Variants in MARK4 observed in about 807,000 individuals in gnomAD.
The protein encoded by MARK4 is microtubule affinity regulating kinase 4.
Under a neutral mutation model 81.5 loss-of-function variants are expected in MARK4, and 19 were observed. That is an observed-to-expected ratio of 0.23 (90% confidence interval 0.16 to 0.34). The LOEUF is 0.34. MARK4 is among the 10% of genes least tolerant of loss of function. MARK4 has a pLI of 1.00. For missense variants in MARK4, 772 were observed against 1,058.8 expected, an observed-to-expected ratio of 0.73 and a Z score of 3.76; for synonymous variants, 436 against 439.0, an observed-to-expected ratio of 0.99 and a Z score of 0.08.
At chr19:45,275,000 C>T (rs990122428) in intron 8 of MARK4, among the ~76,000 whole-genome samples, 1 of 152,170 alleles carries the variant, frequency 6.6e-6, no homozygotes, top group Non-Finnish European at 1.5e-5. Context: ...GTGGCTCATG[C>T]CTGTAATCCC....
rs1482410635 is a variant in MARK4 at position 45,304,226 on chromosome 19, C to G, written c.*1516C>G. The G allele has an allele frequency of 1.3e-5, 2 of 152,184 alleles. No individual in the cohort carries two copies. Among genetic ancestry groups the G allele is most frequent in the Non-Finnish European group, 2.9e-5 (2 of 68,036 alleles). 9.4% of individuals were successfully genotyped at this position (152,184 alleles called of 1,614,324 possible). A position where few individuals can be genotyped will look rare whatever the true frequency, so the allele number is the denominator to read the frequency against. ...AGATGACTTCAGCAGTTAGAAGTTT[C>G]TATCCCTCCAGCTTTCTGCAGCAGA... On this transcript the variant is annotated 3_prime_UTR_variant, in exon 17 of 17. Coordinates refer to ENST00000262891, the MANE Select transcript of MARK4 (RefSeq NM_001199867.2).
At chr19:45,266,466 C>A in intron 7 of MARK4, among the ~76,000 whole-genome samples, 185 bp downstream of exon 7, 1 of 152,012 alleles carries the variant, frequency 6.6e-6, no homozygotes, top group African/African-American at 2.4e-5. Context: ...AGAAACAAGG[C>A]CAGCAGATGG....
chr19:45,257,890 C>G (rs1014530654), intron 1 of MARK4, among the ~76,000 whole-genome samples: 12 of 150,628 alleles, frequency 8.0e-5, no homozygotes, highest in African/African-American at 2.4e-4. Flanking sequence ...GGGGTTTCAC[C>G]TTGTTAGCCA....
Position 45,287,547 on chromosome 19 carries a change from C to T in MARK4, c.1377C>T (p.Cys459=). The T allele has an allele frequency of 2.5e-6, 4 of 1,585,080 alleles. No individual in the cohort carries two copies. The highest frequency in any genetic ancestry group is 1.8e-5 in the Admixed American group (1 of 56,576). Reference sequence around the variant, plus strand: ...GGCTGCCAGGCCGGAAGGCGAGCTGCAGCACCGCGGGGAGTGGGAGTCGAG... The same window carrying T: ...GGCTGCCAGGCCGGAAGGCGAGCTGTAGCACCGCGGGGAGTGGGAGTCGAG... ...EERLPGRKAS[C]STAGSGSRGL... is the part of the protein sequence containing the mutation. The change falls in exon 13 of 17, where the codon TGC becomes TGT. Residue 459 remains cysteine (C), a synonymous_variant. Coordinates refer to ENST00000262891, the MANE Select transcript of MARK4 (RefSeq NM_001199867.2).
At chr19:45,270,811 C>T (rs1220017750) in intron 7 of MARK4, among the ~76,000 whole-genome samples, 5 of 152,160 alleles carry the variant, frequency 3.3e-5, no homozygotes, top group Admixed American at 3.3e-4. Flanking sequence ...GCTCTTGTTG[C>T]CCAGGCTGGA....
chr19:45,273,249 C>G (rs1269734957), intron 8 of MARK4, among the ~76,000 whole-genome samples: 1 of 152,166 alleles, frequency 6.6e-6, no homozygotes, highest in Admixed American at 6.6e-5. Flanking sequence ...AATCGCTGGC[C>G]TGTGTCCACA....
At chr19:45,287,765 C>A in intron 13 of MARK4, 101 bp downstream of exon 13, 2 of 1,307,842 alleles carry the variant, frequency 1.5e-6, no homozygotes, top group South Asian at 1.3e-5. Flanking sequence ...TCCTTCTTAC[C>A]AACTCCTTCT....
At chr19:45,280,508 G>A in intron 11 of MARK4, 25 bp downstream of exon 11, 1 of 1,614,050 alleles carries the variant, frequency 6.2e-7, no homozygotes, top group Non-Finnish European at 8.5e-7. Flanking sequence ...GGGGCCCTTG[G>A]GGACGCGTGA....
At chr19:45,300,821 C>T (rs1272844708) in intron 16 of MARK4, among the ~76,000 whole-genome samples, 1 of 152,076 alleles carries the variant, frequency 6.6e-6, no homozygotes, top group Non-Finnish European at 1.5e-5. Context: ...AGGAGAAGTA[C>T]TCTGGTTGGT....
chr19:45,278,724 C>A, intron 10 of MARK4, 109 bp downstream of exon 10: 1 of 833,552 alleles, frequency 1.2e-6, no homozygotes, highest in South Asian at 1.6e-5. Context: ...GTGCCTCAGC[C>A]TCCCAAGTAG....
Position 45,300,393 on chromosome 19 carries a change from ACTC to A in MARK4, c.1922+542_1922+544del, listed in dbSNP as rs145173647. Among the ~76,000 whole-genome samples the A allele has an allele frequency of 6.0e-3, 815 of 136,932 alleles. 13 individuals carry two copies. Among genetic ancestry groups the A allele is most frequent in the African/African-American group, 0.021 (774 of 36,580 alleles). 89.8% of individuals were successfully genotyped at this position (136,932 alleles called of 152,430 possible). A position where few individuals can be genotyped will look rare whatever the true frequency, so the allele number is the denominator to read the frequency against. On this transcript the variant is annotated intron_variant, in intron 16 of 16. Coordinates refer to ENST00000262891, the MANE Select transcript of MARK4 (RefSeq NM_001199867.2). ...AAAGCCTCATCCCATCCACAACTCA[ACTC>A]CTCTTCTGGTCAATGCCCCCACCTC...
chr19:45,302,949 T>G lies in MARK4; in HGVS notation c.*239T>G. ...CTGGAGCCTCCAGCCAGTCCTGTCC[T>G]CCCTCGCCCTACCAAGAGGGCACCT... On this transcript the variant is annotated 3_prime_UTR_variant, in exon 17 of 17. Coordinates refer to ENST00000262891, the MANE Select transcript of MARK4 (RefSeq NM_001199867.2). This position sits in a 1 kb window ranked among gnomAD's most constrained non-coding sequence, Gnocchi z 4.9. 1 of 619,206 alleles carries G rather than the reference T, an allele frequency of 1.6e-6. No individual in the cohort carries two copies. The highest frequency in any genetic ancestry group is 2.7e-6 in the Non-Finnish European group (1 of 368,454). 38.4% of individuals were successfully genotyped at this position (619,206 alleles called of 1,614,324 possible). A position where few individuals can be genotyped will look rare whatever the true frequency, so the allele number is the denominator to read the frequency against.
rs1396475980 is a variant in MARK4, at chr19:45,290,110, CA to C, written c.1494+2449del. Among the ~76,000 whole-genome samples the C allele has an allele frequency of 2.0e-5, 3 of 152,168 alleles. No homozygotes were observed. The East Asian group carries it at 5.8e-4, about 29-fold the overall frequency. Reference sequence around the variant, plus strand: ...AGAGGGAGACCTTGTCTCAAAGAAACAAACAAAAAAGTTTTTAAATACTAAT... The same window carrying C: ...AGAGGGAGACCTTGTCTCAAAGAAACAACAAAAAAGTTTTTAAATACTAAT... On this transcript the variant is annotated intron_variant, in intron 13 of 16. Coordinates refer to ENST00000262891, the MANE Select transcript of MARK4 (RefSeq NM_001199867.2).
At chr19:45,263,596 G>A (rs1970409198) in intron 4 of MARK4, among the ~76,000 whole-genome samples, 1 of 151,996 alleles carries the variant, frequency 6.6e-6, no homozygotes, top group Non-Finnish European at 1.5e-5. Flanking sequence ...ACAAAAATTA[G>A]CAGGGCATGG....
intron 7 of MARK4, 118 bp downstream of exon 7, chr19:45,266,399 T>G: frequency 1.1e-6 from 1 of 931,694 alleles, no homozygotes; most frequent in African/African-American, 1.6e-5. Flanking sequence ...CCTTTTCTCC[T>G]CCTGCTCTTC....
At chr19:45,257,556 G>A (rs1480331604) in intron 1 of MARK4, among the ~76,000 whole-genome samples, 2 of 151,034 alleles carry the variant, frequency 1.3e-5, no homozygotes, top group African/African-American at 4.9e-5. Flanking sequence ...GCTAATTTTT[G>A]TATTTTTAGT....
chr19:45,266,771 C>T lies in MARK4; in HGVS notation c.549+490C>T, dbSNP rs368633866. Reference sequence around the variant, plus strand: ...TTTTTGAGACAGAGTCTCACTCTGTCGCCCTGGCTGGAGTGAAGTGGCGCG... The same window carrying T: ...TTTTTGAGACAGAGTCTCACTCTGTTGCCCTGGCTGGAGTGAAGTGGCGCG... On this transcript the variant is annotated intron_variant, in intron 7 of 16. Transcript: ENST00000262891. Among the ~76,000 whole-genome samples, 27 of 141,066 alleles carry T rather than the reference C, an allele frequency of 1.9e-4. No homozygotes were observed. The South Asian group carries it at 5.6e-3, about 29-fold the overall frequency. The allele number at this position is 141,066 out of a possible 152,430, so 92.5% of individuals were successfully genotyped here.
At chr19:45,259,353 C>A (rs1022209137) in intron 2 of MARK4, among the ~76,000 whole-genome samples, 164 bp downstream of exon 2, 1 of 152,166 alleles carries the variant, frequency 6.6e-6, no homozygotes, top group Non-Finnish European at 1.5e-5. Context: ...TTCCCAGAAC[C>A]ACCCCCATGG....
chr19:45,280,418 T>A lies in MARK4; in HGVS notation c.1051T>A (p.Ser351Thr). ...CTACACACGGGAAGAAATCAAAGAG[T>A]CCTTGACCAGCCAGAAGTACAACGA... is the stretch of plus-strand genomic sequence containing the variant. Reference protein sequence around the residue: ...MGYTREEIKESLTSQKYNEVT... With the variant: ...MGYTREEIKETLTSQKYNEVT... Residue 351 changes from serine to threonine, a missense_variant, in exon 11 of 17, where the codon TCC becomes ACC. This residue lies in a region of MARK4 where 548 missense variants were observed against 624.3 expected (regional missense o/e 0.88). Coordinates refer to ENST00000262891, the MANE Select transcript of MARK4 (RefSeq NM_001199867.2). 6.2e-7 allele frequency: 1 copy of A among 1,612,462 alleles called. No homozygotes were observed. The highest frequency in any genetic ancestry group is 8.5e-7 in the Non-Finnish European group (1 of 1,179,604).
Sources: gnomAD v4.1 joint callset for allele counts (sites outside exome capture counted in the v4.1 genomes callset) on GRCh38, gnomAD v4.1.1 for gene constraint, gnomAD v4.1.1 regional missense constraint, Gnocchi (gnomAD v3.1) non-coding constraint, MANE v1.5 for transcripts, NCBI Gene and HGNC (gene_info 2026-07-23, HGNC 2026-07-21) for gene names.